Variants in MARCHF7 observed in about 807,000 individuals in gnomAD.
MARCHF7 encodes membrane associated ring-CH-type finger 7.
A neutral mutation model predicts 76.5 loss-of-function variants in MARCHF7; 20 were observed. That is an observed-to-expected ratio of 0.26 (90% CI 0.18 to 0.38). MARCHF7 has a LOEUF of 0.38. Ranked by LOEUF, MARCHF7 falls within the 10% of genes least tolerant of loss-of-function variation. MARCHF7 has a pLI of 1.00. For synonymous variants in MARCHF7, 295 were observed against 293.0 expected (o/e 1.01, Z -0.07); for missense variants, 797 against 812.9 (o/e 0.98, Z 0.24).
At chr2:159,765,456 T>C (rs1033002022) in intron 11 of MARCHF7, among the ~76,000 whole-genome samples, 2 of 152,160 alleles carry the variant, frequency 1.3e-5, no homozygotes, top group African/African-American at 4.8e-5. Context: ...TTCTAGAAAT[T>C]GAAGATTACC....
chr2:159,725,580 C>G (rs1392602592), intron 3 of MARCHF7, among the ~76,000 whole-genome samples: 1 of 152,122 alleles, frequency 6.6e-6, no homozygotes, highest in African/African-American at 2.4e-5. Flanking sequence ...TGGATATTAG[C>G]TCTTTGTCAG....
intron 3 of MARCHF7, among the ~76,000 whole-genome samples, chr2:159,727,717 A>G (rs1702336559): frequency 6.6e-6 from 1 of 152,246 alleles, no homozygotes; most frequent in Non-Finnish European, 1.5e-5. Context: ...ATATGGTGGA[A>G]TGCTATGTAA....
chr2:159,736,089 T>G (rs1703421887), intron 4 of MARCHF7, among the ~76,000 whole-genome samples: 1 of 152,228 alleles, frequency 6.6e-6, no homozygotes, highest in African/African-American at 2.4e-5. Flanking sequence ...ATGGCACCAC[T>G]TCACTACTGC....
At chr2:159,744,128 C>CA (rs1704538783) in intron 5 of MARCHF7, among the ~76,000 whole-genome samples, 1 of 149,958 alleles carries the variant, frequency 6.7e-6, no homozygotes. Flanking sequence ...GCTGGGACTA[C>CA]AGGCGCCCGC....
intron 8 of MARCHF7, among the ~76,000 whole-genome samples, chr2:159,754,644 G>GA (rs1248241473): frequency 2.0e-5 from 3 of 151,718 alleles, no homozygotes; most frequent in East Asian, 1.9e-4. Flanking sequence ...ACTTCTAACA[G>GA]AAAAAAAAGT....
chr2:159,752,329 G>A, intron 7 of MARCHF7, 73 bp from the exon 8 acceptor site: 1 of 1,350,426 alleles, frequency 7.4e-7, no homozygotes, highest in Non-Finnish European at 9.7e-7. Flanking sequence ...AAGAAAGCTT[G>A]TGATTATGTA....
intron 4 of MARCHF7, among the ~76,000 whole-genome samples, chr2:159,740,317 A>G (rs1252818436): frequency 6.6e-6 from 1 of 152,262 alleles, no homozygotes; most frequent in East Asian, 1.9e-4. Context: ...AGTCTGTGCA[A>G]AATGAGAAAA....
chr2:159,715,358 T>TGG (rs375225318), intron 2 of MARCHF7, among the ~76,000 whole-genome samples: 52 of 150,744 alleles, frequency 3.4e-4, no homozygotes, highest in African/African-American at 1.2e-3. Context: ...AGAGTTTAGG[T>TGG]GGGGGGGGTA....
intron 8 of MARCHF7, among the ~76,000 whole-genome samples, chr2:159,754,362 A>G (rs1706033500): frequency 6.6e-6 from 1 of 152,184 alleles, no homozygotes; most frequent in Non-Finnish European, 1.5e-5. Context: ...GGTCAGGTAA[A>G]ATGAGAAGAA....
chr2:159,727,733 T>C (rs943503517), intron 3 of MARCHF7, among the ~76,000 whole-genome samples: 3 of 152,206 alleles, frequency 2.0e-5, no homozygotes, highest in African/African-American at 7.2e-5. Flanking sequence ...TGTAAAGAAA[T>C]TAGAGTGAAC....
intron 4 of MARCHF7, among the ~76,000 whole-genome samples, chr2:159,735,535 A>T (rs6722764): frequency 0.037 from 5,680 of 152,264 alleles, 339 homozygotes; most frequent in African/African-American, 0.13. Context: ...TTATATCTGT[A>T]CATTTCCCTA....
chr2:159,720,206 A>T (rs1334224451), intron 3 of MARCHF7, among the ~76,000 whole-genome samples: 3 of 152,162 alleles, frequency 2.0e-5, no homozygotes, highest in Non-Finnish European at 2.9e-5. Flanking sequence ...TTGTATTCTT[A>T]GTAGAGATGG....
At chr2:159,725,433 GTGA>G (rs1574226045) in intron 3 of MARCHF7, among the ~76,000 whole-genome samples, 1 of 152,178 alleles carries the variant, frequency 6.6e-6, no homozygotes, top group Admixed American at 6.5e-5. Flanking sequence ...CTGATGACCA[GTGA>G]TGATGAGCAT....
chr2:159,762,892 T>TGCA lies in MARCHF7; in HGVS notation c.1906_1907insGCA (p.Phe636delinsCysIle). On this transcript the variant is annotated protein_altering_variant, in exon 10 of 12. Transcript: ENST00000409175. The stretch of plus-strand genomic sequence containing the variant: ...TTCCCTGTTGAAGGCTGAGTATGAG[T>TGCA]TTATCAGCTCTGGTCTCTACCTAGT... 6.2e-7 allele frequency: 1 copy of TGCA among 1,606,586 alleles called. No homozygotes were observed. The highest frequency in any genetic ancestry group is 8.5e-7 in the Non-Finnish European group (1 of 1,177,208).
At chr2:159,766,920 T>G (rs1174246480) in intron 11 of MARCHF7, among the ~76,000 whole-genome samples, 1 of 152,204 alleles carries the variant, frequency 6.6e-6, no homozygotes, top group Non-Finnish European at 1.5e-5. Context: ...TACTCAGGTG[T>G]GTGAGAGCAC....
chr2:159,770,039 A>T lies in MARCHF7; in HGVS notation c.*2697A>T, dbSNP rs1574479391. 6.6e-6 allele frequency: 1 copy of T among 152,154 alleles called. No individual in the cohort carries two copies. The highest frequency in any genetic ancestry group is 1.9e-4 in the East Asian group (1 of 5,196). 9.4% of individuals were successfully genotyped at this position (152,154 alleles called of 1,614,324 possible). A position where few individuals can be genotyped will look rare whatever the true frequency, so the allele number is the denominator to read the frequency against. ...GTAGACGTTTGAGACTGTTGGTTTT[A>T]AGTTGGACTTAATCACTTTCCTACC... On this transcript the variant is annotated 3_prime_UTR_variant, in exon 12 of 12. Coordinates refer to ENST00000409175, the MANE Select transcript of MARCHF7 (RefSeq NM_001282805.2).
chr2:159,736,464 ACTTGT>A (rs1560004288), intron 4 of MARCHF7, among the ~76,000 whole-genome samples: 1 of 152,172 alleles, frequency 6.6e-6, no homozygotes, highest in African/African-American at 2.4e-5. Context: ...TTTAAAGTAC[ACTTGT>A]CTTGTTACTC....
intron 5 of MARCHF7, among the ~76,000 whole-genome samples, chr2:159,744,126 T>A (rs1407650862): frequency 6.7e-6 from 1 of 150,152 alleles, no homozygotes; most frequent in Non-Finnish European, 1.5e-5. Context: ...TAGCTGGGAC[T>A]ACAGGCGCCC....
chr2:159,717,698 C>A (rs1180062337), intron 3 of MARCHF7, among the ~76,000 whole-genome samples: 1 of 152,066 alleles, frequency 6.6e-6, no homozygotes, highest in Non-Finnish European at 1.5e-5. Flanking sequence ...TTTAAAAATG[C>A]CTTTTCCTCT....
Sources: gnomAD v4.1 joint callset for allele counts (sites outside exome capture counted in the v4.1 genomes callset) on GRCh38, gnomAD v4.1.1 for gene constraint, MANE v1.5 for transcripts, NCBI Gene and HGNC (gene_info 2026-07-23, HGNC 2026-07-21) for gene names.